Variants in SETD5 observed in about 807,000 individuals in gnomAD.
The protein encoded by SETD5 is SET domain containing 5.
A neutral mutation model predicts 153.3 loss-of-function variants in SETD5; 44 were observed. The observed-to-expected ratio is 0.29, with a 90% CI of 0.23 to 0.37. SETD5 has a LOEUF of 0.37. SETD5 is among the 10% of genes least tolerant of loss of function. The pLI, the probability that SETD5 is intolerant of heterozygous loss-of-function variation, is 1.00. For synonymous variants in SETD5, 716 were observed against 645.2 expected (o/e 1.11, Z -1.66); for missense variants, 1,544 against 1,768.0 (o/e 0.87, Z 2.27).
chr3:9,454,970 C>T (rs971870734), intron 17 of SETD5, among the ~76,000 whole-genome samples: 7 of 152,048 alleles, frequency 4.6e-5, no homozygotes, highest in Non-Finnish European at 7.4e-5. Flanking sequence ...TTCACATTTT[C>T]ATAAAAAACC....
At chr3:9,454,265 A>G (rs748771235) in intron 17 of SETD5, among the ~76,000 whole-genome samples, 3 of 152,184 alleles carry the variant, frequency 2.0e-5, no homozygotes, top group Non-Finnish European at 4.4e-5. Flanking sequence ...TGAATGAAAT[A>G]AGTGAAAAAT....
intron 17 of SETD5, among the ~76,000 whole-genome samples, chr3:9,460,349 A>G (rs2043808689): frequency 6.6e-6 from 1 of 151,916 alleles, no homozygotes; most frequent in Non-Finnish European, 1.5e-5. Context: ...ATATGTGAAT[A>G]ACAAAGATTA....
intron 17 of SETD5, among the ~76,000 whole-genome samples, chr3:9,463,056 G>A (rs2044171743): frequency 6.6e-6 from 1 of 151,806 alleles, no homozygotes. Flanking sequence ...TCCTCCCTCT[G>A]TCACCCAGGC....
chr3:9,463,986 G>C (rs2044272434), intron 17 of SETD5, among the ~76,000 whole-genome samples: 1 of 152,146 alleles, frequency 6.6e-6, no homozygotes, highest in South Asian at 2.1e-4. Context: ...AAATTAGCCA[G>C]GTGTAGTGGT....
intron 3 of SETD5, chr3:9,429,754 GAGATTCCCCCTGCTCAC>G: frequency 5.9e-6 from 6 of 1,020,900 alleles, no homozygotes; most frequent in African/African-American, 1.7e-5. Context: ...TAAGTTGTCC[GAGATTCCCCCTGCTCAC>G]AGATTCCCCC....
chr3:9,435,844 C>G lies in SETD5; in HGVS notation c.505C>G (p.Pro169Ala), dbSNP rs1575391912. Residue 169 changes from proline (P) to alanine (A), a missense_variant, in exon 7 of 23, where the codon CCC becomes GCC. Pro to Ala is a conservative substitution (Grantham distance 27). This residue lies in a region of SETD5 where 251 missense variants were observed against 326.9 expected (regional missense o/e 0.77). Transcript: ENST00000402198. ...SITLTVRRTKPKKRKKSPEKG... is the reference protein window; with the variant it reads ...SITLTVRRTKAKKRKKSPEKG... The stretch of plus-strand genomic sequence containing the variant: ...CACCTTAACTGTTAGAAGAACCAAA[C>G]CCAAGAAGCGGAAAAAGAGTCCAGA... 1.9e-6 allele frequency: 3 copies of G among 1,600,590 alleles called. No homozygotes were observed. The East Asian group carries it at 6.7e-5, about 36-fold the overall frequency.
At chr3:9,466,896 G>A (rs560054700) in intron 18 of SETD5, among the ~76,000 whole-genome samples, 1 of 151,992 alleles carries the variant, frequency 6.6e-6, no homozygotes, top group African/African-American at 2.4e-5. Context: ...AGGTGTAGTG[G>A]CATATACCTG....
chr3:9,414,858 G>C (rs2037175381), intron 1 of SETD5, among the ~76,000 whole-genome samples: 1 of 151,606 alleles, frequency 6.6e-6, no homozygotes, highest in South Asian at 2.1e-4. Context: ...CTGAGTATTG[G>C]AAAAGGAAAT....
At chr3:9,443,039 C>CAA in intron 10 of SETD5, 1 of 326,212 alleles carries the variant, frequency 3.1e-6, no homozygotes, top group Non-Finnish European at 5.9e-6. Context: ...GACTGTATCT[C>CAA]AAAAAAAAGA....
At position 9,448,679 on chromosome 3, in the gene SETD5, A is replaced by AT. The variant is rs764105434; in HGVS notation, c.2346+56dup. 6 of 1,440,190 alleles carry AT rather than the reference A, an allele frequency of 4.2e-6. No homozygotes were observed. In the African/African-American group the frequency reaches 8.6e-5, roughly 21 times the overall value. 89.2% of individuals were successfully genotyped at this position (1,440,190 alleles called of 1,614,324 possible). ...TGTTGTGTTTATGTGTGTGTGCTTT[A>AT]TTTTTTTAAGCCTAAGATTCCTATC... On this transcript the variant is annotated intron_variant, in intron 16 of 22. Transcript: ENST00000402198.
chr3:9,443,434 C>T lies in SETD5; in HGVS notation c.1187+17C>T. 2 of 1,298,976 alleles carry T rather than the reference C, an allele frequency of 1.5e-6. No homozygotes were observed. The highest frequency in any genetic ancestry group is 2.0e-6 in the Non-Finnish European group (2 of 996,556). The allele number at this position is 1,298,976 out of a possible 1,614,324, so 80.5% of individuals were successfully genotyped here. A position where few individuals can be genotyped will look rare whatever the true frequency, so the allele number is the denominator to read the frequency against. On this transcript the variant is annotated intron_variant, in intron 11 of 22. Transcript: ENST00000402198. ...TAGTAACTGGTAAGACCTCAGAAAC[C>T]TTTCCTAACAGGAATATCCATGTCT...
At position 9,443,415 on chromosome 3, in the gene SETD5, C is replaced by A; in HGVS notation, c.1185C>A (p.Asn395Lys). 1 of 1,375,570 alleles carries A rather than the reference C, an allele frequency of 7.3e-7. No homozygotes were observed. The highest frequency in any genetic ancestry group is 9.5e-7 in the Non-Finnish European group (1 of 1,054,294). 85.2% of individuals were successfully genotyped at this position (1,375,570 alleles called of 1,614,324 possible). A position where few individuals can be genotyped will look rare whatever the true frequency, so the allele number is the denominator to read the frequency against. ...TAGCATTTGATTATGAGTATAGTAA[C>A]TGGTAAGACCTCAGAAACCTTTCCT... is the stretch of plus-strand genomic sequence containing the variant. ...VTIAFDYEYS[N>K]CNYKVDCACH... is the part of the protein sequence containing the mutation. Residue 395 changes from asparagine (N) to lysine (K), a missense_variant and splice_region_variant, in exon 11 of 23, where the codon AAC becomes AAA. Around this residue, in one of 9 missense-constraint regions of SETD5, gnomAD observed 46 missense variants for 111.8 expected, o/e 0.41. Transcript: ENST00000402198.
chr3:9,444,107 G>A (rs1020285235), intron 11 of SETD5, among the ~76,000 whole-genome samples: 4 of 152,144 alleles, frequency 2.6e-5, no homozygotes, highest in Admixed American at 6.5e-5. Context: ...CTTTTAATTT[G>A]TCAATTATAC....
Position 9,476,342 on chromosome 3 carries a change from C to A in SETD5, c.*251C>A. The A allele has an allele frequency of 2.0e-6, 1 of 494,460 alleles. No homozygotes were observed. The highest frequency in any genetic ancestry group is 3.6e-6 in the Non-Finnish European group (1 of 277,584). The allele number at this position is 494,460 out of a possible 1,614,324, so 30.6% of individuals were successfully genotyped here. A position where few individuals can be genotyped will look rare whatever the true frequency, so the allele number is the denominator to read the frequency against. On this transcript the variant is annotated 3_prime_UTR_variant, in exon 23 of 23. Coordinates refer to ENST00000402198, the MANE Select transcript of SETD5 (RefSeq NM_001080517.3). ...CTGTCAAGGGTACATTGTTGACAAG[C>A]AAATGGTGTTTCGGTTAGTAACGGT...
Position 9,445,726 on chromosome 3 carries a change from G to A in SETD5, c.1510G>A (p.Ala504Thr). 1 of 1,612,746 alleles carries A rather than the reference G, an allele frequency of 6.2e-7. No homozygotes were observed. The highest frequency in any genetic ancestry group is 8.5e-7 in the Non-Finnish European group (1 of 1,179,324). ...GGTTATAGATGACCAGGAGAACCTAGCTCATAGCAGGAGGGTGAGTACTGT... is the reference window on the plus strand; with the variant it reads ...GGTTATAGATGACCAGGAGAACCTAACTCATAGCAGGAGGGTGAGTACTGT... ...EEVIDDQENL[A>T]HSRRTREDRK... The change falls in exon 13 of 23, where the codon GCT (alanine) becomes ACT (threonine). Residue 504 changes from alanine (A) to threonine (T), a missense_variant. Physicochemically the swap from Ala to Thr is moderately conservative, Grantham distance 58. Around this residue, in one of 9 missense-constraint regions of SETD5, gnomAD observed 782 missense variants for 787.2 expected, o/e 0.99. Transcript: ENST00000402198.
chr3:9,451,483 G>C (rs149829952), intron 16 of SETD5, among the ~76,000 whole-genome samples: 2 of 152,288 alleles, frequency 1.3e-5, no homozygotes, highest in African/African-American at 4.8e-5. Context: ...GGGTCTCACT[G>C]TTGTCCAGGC....
In SETD5 at chr3:9,470,642, G is replaced by T. The variant is rs766037213; in HGVS notation, c.2908G>T (p.Val970Leu). 6.2e-7 allele frequency: 1 copy of T among 1,613,872 alleles called. No individual in the cohort carries two copies. Among genetic ancestry groups the T allele is most frequent in the East Asian group, 2.2e-5 (1 of 44,878 alleles). Residue 970 changes from valine (V) to leucine (L), a missense_variant, in exon 19 of 23, where the codon GTG (valine) becomes TTG (leucine). This residue lies in a region of SETD5 where 782 missense variants were observed against 787.2 expected (regional missense o/e 0.99). Coordinates refer to ENST00000402198, the MANE Select transcript of SETD5 (RefSeq NM_001080517.3). ...SRSGDGHQTL[V>L]RNSDQAFRTE... The stretch of plus-strand genomic sequence containing the variant: ...AAGTGGAGATGGACATCAGACCCTC[G>T]TGAGAAACTCAGACCAGGCATTTCG...
At chr3:9,460,631 G>T (rs2043845305) in intron 17 of SETD5, among the ~76,000 whole-genome samples, 1 of 151,948 alleles carries the variant, frequency 6.6e-6, no homozygotes, top group African/African-American at 2.4e-5. Context: ...ACATTCAGAA[G>T]ATAAGCCCAG....
At position 9,475,132 on chromosome 3, in the gene SETD5, C is replaced by T. The variant is rs2045728960; in HGVS notation, c.3696C>T (p.Tyr1232=). 3.2e-6 allele frequency: 5 copies of T among 1,586,904 alleles called. No individual in the cohort carries two copies. Among genetic ancestry groups the T allele is most frequent in the South Asian group, 1.2e-5 (1 of 86,260 alleles). The change falls in exon 22 of 23, where the codon TAC becomes TAT. Residue 1232 remains tyrosine, a synonymous_variant. Coordinates refer to ENST00000402198, the MANE Select transcript of SETD5 (RefSeq NM_001080517.3). ...CACTCTCTAAAGGAGCAACAGTTTA[C>T]AGCCCTTCCAGATACAGCTACCAGG... The part of the protein sequence containing the change: ...SSALSKGATV[Y]SPSRYSYQLL...
Sources: allele counts gnomAD v4.1 joint callset (sites outside exome capture counted in the v4.1 genomes callset), GRCh38; gene constraint gnomAD v4.1.1; regional missense constraint gnomAD v4.1.1; transcripts MANE v1.5; gene names NCBI Gene and HGNC (gene_info 2026-07-23, HGNC 2026-07-21).